BAZ2B: variants seen among roughly 807,000 people sequenced by gnomAD.
The protein encoded by BAZ2B is bromodomain adjacent to zinc finger domain 2B, also known as bromodomain adjacent to zinc finger domain protein 2B.
Under a neutral mutation model 246.0 loss-of-function variants are expected in BAZ2B, and 91 were observed. The observed-to-expected ratio is 0.37, with a 90% CI of 0.31 to 0.44. The LOEUF (loss-of-function observed/expected upper bound fraction) is 0.44, where lower values mean the gene tolerates loss of function less well. Among genes scored for constraint, BAZ2B ranks in the 20% least tolerant of loss-of-function variants. The pLI, the probability that BAZ2B is intolerant of heterozygous loss-of-function variation, is 1.00. For synonymous variants in BAZ2B, 855 were observed against 860.0 expected (o/e 0.99, Z 0.10); for missense variants, 2,332 against 2,533.7 (o/e 0.92, Z 1.71).
At chr2:159,692,785 CATA>C in the BAZ2B span, among the ~76,000 whole-genome samples, 1 of 152,150 alleles carries the variant, frequency 6.6e-6, no homozygotes, top group African/African-American at 2.4e-5. Context: ...CCCATATGGT[CATA>C]ATATGTTATT....
At chr2:159,389,319 A>C in intron 21 of BAZ2B, 26 bp downstream of exon 21, 6 of 1,535,184 alleles carry the variant, frequency 3.9e-6, no homozygotes, top group Non-Finnish European at 5.2e-6. Context: ...TTATGAATGA[A>C]ATGGTGTACA....
chr2:159,466,029 C>G (rs955775419), intron 3 of BAZ2B, among the ~76,000 whole-genome samples: 5 of 152,106 alleles, frequency 3.3e-5, no homozygotes, highest in African/African-American at 1.2e-4. Context: ...CATAAATACT[C>G]AAAGAAACTT....
chr2:159,696,863 G>A, the BAZ2B span, among the ~76,000 whole-genome samples: 1 of 152,140 alleles, frequency 6.6e-6, no homozygotes, highest in East Asian at 1.9e-4. Flanking sequence ...TCGGCTCACT[G>A]CAACCTCCAC....
At chr2:159,481,863 G>GATC (rs2079272104) in intron 2 of BAZ2B, among the ~76,000 whole-genome samples, 1 of 151,852 alleles carries the variant, frequency 6.6e-6, no homozygotes, top group Non-Finnish European at 1.5e-5. Context: ...TGAGACCTAG[G>GATC]ATCCCACAAC....
At chr2:159,385,486 A>ATT in intron 22 of BAZ2B, 117 bp from the exon 23 acceptor site, 7 of 808,422 alleles carry the variant, frequency 8.7e-6, no homozygotes, top group Admixed American at 3.4e-5. Context: ...AGCTTTATTC[A>ATT]CTTTTTTTTT....
At chr2:159,543,413 A>ATACTTTTTT (rs2086889334) in intron 2 of BAZ2B, among the ~76,000 whole-genome samples, 4 of 152,000 alleles carry the variant, frequency 2.6e-5, no homozygotes, top group African/African-American at 9.7e-5. Context: ...GATAATGAAT[A>ATACTTTTTT]TACTTTTTTT....
chr2:159,596,107 TAAAG>T (rs767686792), intron 1 of BAZ2B, among the ~76,000 whole-genome samples: 1 of 152,204 alleles, frequency 6.6e-6, no homozygotes, highest in Non-Finnish European at 1.5e-5. Context: ...GCATTTATTT[TAAAG>T]GAAAAGGAGT....
At chr2:159,626,137 A>C in the BAZ2B span, among the ~76,000 whole-genome samples, 2 of 152,300 alleles carry the variant, frequency 1.3e-5, no homozygotes, top group Admixed American at 1.3e-4. Flanking sequence ...AACTATCCTA[A>C]ATATATATGC....
chr2:159,631,136 C>T, the BAZ2B span, among the ~76,000 whole-genome samples: 3 of 152,244 alleles, frequency 2.0e-5, no homozygotes, highest in Admixed American at 1.3e-4. Flanking sequence ...GGCAAAACTA[C>T]AGTGAGCCAT....
intron 13 of BAZ2B, among the ~76,000 whole-genome samples, chr2:159,424,506 C>T (rs980583284): frequency 2.6e-5 from 4 of 152,024 alleles, no homozygotes; most frequent in African/African-American, 7.2e-5. Context: ...ATATGGAGAA[C>T]TGGAATTCTG....
the BAZ2B span, among the ~76,000 whole-genome samples, chr2:159,699,112 A>C: frequency 0.28 from 42,232 of 152,176 alleles, 7,377 homozygotes; most frequent in South Asian, 0.46. Flanking sequence ...GGGTGGTAGC[A>C]GACACACCCA....
chr2:159,421,226 G>A (rs1488516233), intron 13 of BAZ2B, among the ~76,000 whole-genome samples: 1 of 151,430 alleles, frequency 6.6e-6, no homozygotes, highest in Non-Finnish European at 1.5e-5. Context: ...CTAGGCTGGA[G>A]TACAATGGCA....
intron 25 of BAZ2B, among the ~76,000 whole-genome samples, chr2:159,375,787 A>G (rs189733687): frequency 1.6e-4 from 25 of 152,332 alleles, no homozygotes; most frequent in Admixed American, 1.5e-3. Flanking sequence ...CAGAGGGGCA[A>G]GGGAGATGAT....
chr2:159,608,640 A>G (rs1694050823), intron 1 of BAZ2B, among the ~76,000 whole-genome samples: 1 of 152,230 alleles, frequency 6.6e-6, no homozygotes, highest in African/African-American at 2.4e-5. Context: ...AAGGGAGTGA[A>G]GAAGACATAA....
At chr2:159,565,452 G>A (rs2090295438) in intron 1 of BAZ2B, among the ~76,000 whole-genome samples, 1 of 152,052 alleles carries the variant, frequency 6.6e-6, no homozygotes, top group Non-Finnish European at 1.5e-5. Flanking sequence ...GGCAAAAATT[G>A]CAGAAGCAAA....
chr2:159,495,416 C>T (rs1228898913), intron 2 of BAZ2B, among the ~76,000 whole-genome samples: 10 of 124,688 alleles, frequency 8.0e-5, no homozygotes, highest in African/African-American at 1.3e-4. Context: ...ACCCGGGAGG[C>T]GGAGCTTGCA....
chr2:159,518,061 T>A (rs559812761), intron 2 of BAZ2B, among the ~76,000 whole-genome samples: 3 of 152,352 alleles, frequency 2.0e-5, no homozygotes, highest in African/African-American at 7.2e-5. Flanking sequence ...GCTTTGAGTA[T>A]GTAATTCATA....
At chr2:159,383,236 C>T (rs988500090) in intron 24 of BAZ2B, among the ~76,000 whole-genome samples, 6 of 151,930 alleles carry the variant, frequency 3.9e-5, no homozygotes, top group South Asian at 2.1e-4. Flanking sequence ...AGCTAGATTC[C>T]GTAAAAGCAA....
At chr2:159,481,063 C>CT (rs5835746) in intron 2 of BAZ2B, among the ~76,000 whole-genome samples, 77,668 of 151,656 alleles carry the variant, frequency 0.51, 20,356 homozygotes, top group South Asian at 0.62. Flanking sequence ...TACACATACC[C>CT]TTTTTTTGTC....
Sources: gnomAD v4.1 joint callset for allele counts (sites outside exome capture counted in the v4.1 genomes callset) on GRCh38, gnomAD v4.1.1 for gene constraint, MANE v1.5 for transcripts, NCBI Gene and HGNC (gene_info 2026-07-23, HGNC 2026-07-21) for gene names.